SLC40A1: variants seen among roughly 807,000 people sequenced by gnomAD.
SLC40A1 encodes solute carrier family 40 member 1, also known as ferroportin.
Under a neutral mutation model 53.5 loss-of-function variants are expected in SLC40A1, and 16 were observed. The observed-to-expected ratio is 0.30, with a 90% confidence interval of 0.20 to 0.45. The LOEUF (loss-of-function observed/expected upper bound fraction) is 0.45, where lower values mean the gene tolerates loss of function less well. SLC40A1 is among the 20% of genes least tolerant of loss of function. SLC40A1 has a pLI of 1.00. For missense variants in SLC40A1, 545 were observed against 695.4 expected, an observed-to-expected ratio of 0.78 and a Z score of 2.43; for synonymous variants, 247 against 253.2, an observed-to-expected ratio of 0.98 and a Z score of 0.23.
At chr2:189,577,322 C>T (rs192407373) in intron 2 of SLC40A1, among the ~76,000 whole-genome samples, 4 of 152,278 alleles carry the variant, frequency 2.6e-5, no homozygotes, top group Admixed American at 6.5e-5. Context: ...CCAGTGAGCA[C>T]AGACCAAAAG....
chr2:189,579,207 T>C (rs553065227), intron 2 of SLC40A1, among the ~76,000 whole-genome samples: 1 of 152,324 alleles, frequency 6.6e-6, no homozygotes, highest in East Asian at 1.9e-4. Flanking sequence ...TTGCTGATAT[T>C]CATTGGATGA....
chr2:189,570,066 A>G (rs576540614), intron 5 of SLC40A1, among the ~76,000 whole-genome samples: 16 of 149,938 alleles, frequency 1.1e-4, no homozygotes, highest in African/African-American at 3.2e-4. Context: ...ATATGTATGT[A>G]TATATATACA....
chr2:189,574,233 T>C (rs919822731), intron 3 of SLC40A1, among the ~76,000 whole-genome samples: 2 of 152,218 alleles, frequency 1.3e-5, no homozygotes, highest in African/African-American at 2.4e-5. Context: ...AAAGTTTCTA[T>C]GTATAATATT....
At position 189,562,040 on chromosome 2, in the gene SLC40A1, T is replaced by C; in HGVS notation, c.1554A>G (p.Glu518=). The change falls in exon 8 of 8, where the codon GAA becomes GAG. Residue 518 remains glutamate, a synonymous_variant. Coordinates refer to ENST00000261024, the MANE Select transcript of SLC40A1 (RefSeq NM_014585.6). ...AAATCAATACGAGCAAGCCAAAAGC[T>C]TCAGGATTTGGAGCCAGGATGACCA... The part of the protein sequence containing the change: ...FIMVILAPNP[E]AFGLLVLISV... 6.2e-7 allele frequency: 1 copy of C among 1,614,122 alleles called. No individual in the cohort carries two copies. Among genetic ancestry groups the C allele is most frequent in the Non-Finnish European group, 8.5e-7 (1 of 1,179,986 alleles).
intron 6 of SLC40A1, among the ~76,000 whole-genome samples, chr2:189,564,732 T>C (rs1319770091): frequency 6.6e-6 from 1 of 152,002 alleles, no homozygotes; most frequent in Non-Finnish European, 1.5e-5. Context: ...CCCAGCTACT[T>C]GGGAGGCTGA....
In SLC40A1 at chr2:189,563,962, G is replaced by A. The variant is rs138367417; in HGVS notation, c.1024C>T (p.Leu342Phe). 6.2e-7 allele frequency: 1 copy of A among 1,614,118 alleles called. No homozygotes were observed. Among genetic ancestry groups the A allele is most frequent in the East Asian group, 2.2e-5 (1 of 44,882 alleles). ...AYTQGLSGSI[L>F]SILMGASAIT... ...GCTGATGCTCCCATCAAAATACTGA[G>A]GATGGAACCACTCAGTCCCTGAGTG... Residue 342 changes from leucine to phenylalanine, a missense_variant, in exon 7 of 8, where the codon CTC (leucine) becomes TTC (phenylalanine). By Grantham distance (22) the Leu-to-Phe change is conservative. Coordinates refer to ENST00000261024, the MANE Select transcript of SLC40A1 (RefSeq NM_014585.6).
intron 5 of SLC40A1, among the ~76,000 whole-genome samples, chr2:189,568,611 G>A (rs1243467951): frequency 1.3e-5 from 2 of 152,214 alleles, no homozygotes; most frequent in Non-Finnish European, 2.9e-5. Context: ...ACAAATATGT[G>A]TTGATTTGAT....
At chr2:189,563,346 C>T (rs1053792462) in intron 7 of SLC40A1, among the ~76,000 whole-genome samples, 3 of 150,344 alleles carry the variant, frequency 2.0e-5, no homozygotes, top group Non-Finnish European at 4.4e-5. Flanking sequence ...ATTTTCAAGC[C>T]TGAACCATGT....
Position 189,565,356 on chromosome 2 carries a change from T to G in SLC40A1, c.758A>C (p.Lys253Thr), listed in dbSNP as rs1423572691. The change falls in exon 6 of 8, where the codon AAA (lysine) becomes ACA (threonine). Residue 253 changes from lysine to threonine, a missense_variant and splice_region_variant. This residue lies in a region of SLC40A1 where 107 missense variants were observed against 91.0 expected (regional missense o/e 1.18). Transcript: ENST00000261024. ...ETELKQLNLH[K>T]DTEPKPLEGT... Reference sequence around the variant, plus strand: ...AGAGATCATTGTGTTCAGTTTACCTTTGTGTAAATTCAGCTGTTTCAATTC... The same window carrying G: ...AGAGATCATTGTGTTCAGTTTACCTGTGTGTAAATTCAGCTGTTTCAATTC... 6.2e-7 allele frequency: 1 copy of G among 1,614,254 alleles called. No homozygotes were observed. The highest frequency in any genetic ancestry group is 1.7e-5 in the Admixed American group (1 of 60,036).
At position 189,564,138 on chromosome 2, in the gene SLC40A1, G is replaced by A. The variant is rs1172984161; in HGVS notation, c.848C>T (p.Thr283Ile). Residue 283 changes from threonine (T) to isoleucine (I), a missense_variant, in exon 7 of 8, where the codon ACT (threonine) becomes ATT (isoleucine). Physicochemically the swap from Thr to Ile is moderately conservative, Grantham distance 89. Transcript: ENST00000261024. ...GGGCTCAGCCATCTGGGAGGCACAA[G>A]TAGGCTCTTGCTCATGTTCAAGCTC... ...IHELEHEQEP[T>I]CASQMAEPFR... 6.8e-6 allele frequency: 11 copies of A among 1,612,310 alleles called. No homozygotes were observed. The highest frequency in any genetic ancestry group is 9.3e-6 in the Non-Finnish European group (11 of 1,179,380).
At chr2:189,574,277 A>T (rs2031224134) in intron 3 of SLC40A1, among the ~76,000 whole-genome samples, 1 of 152,222 alleles carries the variant, frequency 6.6e-6, no homozygotes, top group African/African-American at 2.4e-5. Flanking sequence ...GCAAAGAAGT[A>T]AATTTTTTTC....
rs77810585 is a variant in SLC40A1 at position 189,563,782 on chromosome 2, C to T, written c.1204G>A (p.Val402Ile). The change falls in exon 7 of 8, where the codon GTT becomes ATT. Residue 402 changes from valine to isoleucine, a missense_variant. By Grantham distance (29) the Val-to-Ile change is conservative (BLOSUM62 3). Coordinates refer to ENST00000261024, the MANE Select transcript of SLC40A1 (RefSeq NM_014585.6). The part of the protein sequence containing the change: ...FMPGSPLDLS[V>I]SPFEDIRSRF... ...GATCGGATATCTTCAAAAGGAGAAACGGACAAGTCCAGGGGGCTTCCAGGC... is the reference window on the plus strand; with the variant it reads ...GATCGGATATCTTCAAAAGGAGAAATGGACAAGTCCAGGGGGCTTCCAGGC... 31 of 1,614,048 alleles carry T rather than the reference C, an allele frequency of 1.9e-5. No individual in the cohort carries two copies. The highest frequency in any genetic ancestry group is 1.3e-4 in the East Asian group (6 of 44,898).
In SLC40A1 at chr2:189,561,752, G is replaced by A. The variant is rs2030746375; in HGVS notation, c.*126C>T. 2.5e-6 allele frequency: 2 copies of A among 807,764 alleles called. No individual in the cohort carries two copies. The highest frequency in any genetic ancestry group is 3.4e-5 in the African/African-American group (2 of 58,180). 50.0% of individuals were successfully genotyped at this position (807,764 alleles called of 1,614,324 possible). ...ACTTAGGTTTCCTAAACAGCTTTTAGTTCTCAAGGCACAGCTGTGGTAAAA... is the reference window on the plus strand; with the variant it reads ...ACTTAGGTTTCCTAAACAGCTTTTAATTCTCAAGGCACAGCTGTGGTAAAA... On this transcript the variant is annotated 3_prime_UTR_variant, in exon 8 of 8. Transcript: ENST00000261024.
intron 1 of SLC40A1, 83 bp from the exon 2 acceptor site, chr2:189,579,963 A>C: frequency 1.5e-4 from 198 of 1,336,946 alleles, no homozygotes; most frequent in Non-Finnish European, 1.8e-4. Flanking sequence ...ATTTGATCTC[A>C]TTAGAACATG....
In SLC40A1 at chr2:189,575,233, C is replaced by T. The variant is rs760601296; in HGVS notation, c.199G>A (p.Val67Met). 6.2e-7 allele frequency: 1 copy of T among 1,614,190 alleles called. No individual in the cohort carries two copies. ...SLLLTAVYGL[V>M]VAGSVLVLGA... ...AGGACCAGAACAGACCCTGCCACCA[C>T]CAGCCCGTAGACTGCTGTCAAAAGG... The change falls in exon 3 of 8, where the codon GTG becomes ATG. Residue 67 changes from valine to methionine, a missense_variant. Val to Met is a conservative substitution (Grantham distance 21). Coordinates refer to ENST00000261024, the MANE Select transcript of SLC40A1 (RefSeq NM_014585.6).
chr2:189,563,354 T>C (rs1321961152), intron 7 of SLC40A1, among the ~76,000 whole-genome samples: 3 of 150,794 alleles, frequency 2.0e-5, no homozygotes, highest in Non-Finnish European at 4.4e-5. Flanking sequence ...GCCTGAACCA[T>C]GTTTTAAGTA....
At chr2:189,565,720 G>C in intron 5 of SLC40A1, 121 bp from the exon 6 acceptor site, 3 of 1,368,844 alleles carry the variant, frequency 2.2e-6, no homozygotes, top group Non-Finnish European at 3.1e-6. Context: ...TTTTCTAAAA[G>C]TACATTTGTA....
chr2:189,571,216 A>G (rs1427318386), intron 5 of SLC40A1, among the ~76,000 whole-genome samples: 1 of 152,204 alleles, frequency 6.6e-6, no homozygotes, highest in Non-Finnish European at 1.5e-5. Context: ...AACAGCAATT[A>G]TATTACATTG....
At chr2:189,569,513 A>C (rs2031055913) in intron 5 of SLC40A1, among the ~76,000 whole-genome samples, 1 of 152,020 alleles carries the variant, frequency 6.6e-6, no homozygotes, top group Non-Finnish European at 1.5e-5. Context: ...TCTTTGTCCC[A>C]TTTTTCCTTT....
Sources: allele counts gnomAD v4.1 joint callset (sites outside exome capture counted in the v4.1 genomes callset), GRCh38; gene constraint gnomAD v4.1.1; regional missense constraint gnomAD v4.1.1; transcripts MANE v1.5; gene names NCBI Gene and HGNC (gene_info 2026-07-23, HGNC 2026-07-21).